The following ELFN1 variants were observed in gnomAD, a reference collection of about 807,000 sequenced individuals.
ELFN1 encodes protein ELFN1.
Under a neutral mutation model 7.6 loss-of-function variants are expected in ELFN1, and 6 were observed. The ratio of observed to expected loss-of-function variants is 0.79; its 90% CI spans 0.43 to 1.56. The LOEUF is 1.56. Among genes scored for constraint, ELFN1 ranks in the 40% most tolerant of loss-of-function variants. ELFN1 has a pLI of 0.01. For synonymous variants in ELFN1, 657 were observed against 588.1 expected (o/e 1.12, Z -1.70); for missense variants, 1,169 against 1,232.2 (o/e 0.95, Z 0.77).
Position 1,685,611 on chromosome 7 carries a change from G to T in ELFN1, c.-548-2447G>T, listed in dbSNP as rs113716058. Reference sequence around the variant, plus strand: ...CTCATGTAATGAATTTTTCATTTCCGCAGTCATACTTTTTAATTCTAAATT... The same window carrying T: ...CTCATGTAATGAATTTTTCATTTCCTCAGTCATACTTTTTAATTCTAAATT... On this transcript the variant is annotated intron_variant, in intron 1 of 3. Coordinates refer to ENST00000424383, the MANE Select transcript of ELFN1 (RefSeq NM_001128636.4). 4.9e-3 allele frequency among the ~76,000 whole-genome samples: 740 copies of T among 151,294 alleles called. 7 individuals carry two copies. Among genetic ancestry groups the T allele is most frequent in the Non-Finnish European group, 8.9e-3 (603 of 67,854 alleles).
chr7:1,682,227 G>A (rs1194261747), intron 1 of ELFN1, among the ~76,000 whole-genome samples: 7 of 152,112 alleles, frequency 4.6e-5, no homozygotes, highest in East Asian at 1.9e-4. Flanking sequence ...CTTCTAGGAC[G>A]TTTATAGCCT....
At chr7:1,681,945 CTTA>C (rs879697223) in intron 1 of ELFN1, among the ~76,000 whole-genome samples, 2 of 152,050 alleles carry the variant, frequency 1.3e-5, no homozygotes, top group Non-Finnish European at 2.9e-5. Context: ...ATGGATTTGT[CTTA>C]TTATTGAGTT....
At position 1,735,377 on chromosome 7, in the gene ELFN1, C is replaced by G. The variant is rs986680532; in HGVS notation, c.-293-8927C>G. On this transcript the variant is annotated intron_variant, in intron 3 of 3. Coordinates refer to ENST00000424383, the MANE Select transcript of ELFN1 (RefSeq NM_001128636.4). This position sits in a 1 kb window ranked among gnomAD's most constrained non-coding sequence, Gnocchi z 5.9. The stretch of plus-strand genomic sequence containing the variant: ...CCCCTTGACCTTCCCCAGCACTCAC[C>G]GAGTCCTCACACAGTGGGGACGTGG... Among the ~76,000 whole-genome samples the G allele has an allele frequency of 6.6e-6, 1 of 152,034 alleles. No individual in the cohort carries two copies. The highest frequency in any genetic ancestry group is 1.5e-5 in the Non-Finnish European group (1 of 67,988).
At chr7:1,719,472 G>A (rs961642825) in intron 3 of ELFN1, among the ~76,000 whole-genome samples, 1 of 152,206 alleles carries the variant, frequency 6.6e-6, no homozygotes, top group African/African-American at 2.4e-5. Context: ...TCCGCAGACA[G>A]GGCCCTCTGG....
intron 1 of ELFN1, among the ~76,000 whole-genome samples, chr7:1,678,335 A>G (rs1377835402): frequency 1.3e-5 from 2 of 151,810 alleles, no homozygotes; most frequent in African/African-American, 4.8e-5. Flanking sequence ...TGAGCCTCAC[A>G]CCCCATACCT....
rs146972846 is a variant in ELFN1 at position 1,701,023 on chromosome 7, C to T, written c.-455-8068C>T. 1.6e-3 allele frequency among the ~76,000 whole-genome samples: 238 copies of T among 152,136 alleles called. No homozygotes were observed. The Middle Eastern group carries it at 0.017, about 11-fold the overall frequency. On this transcript the variant is annotated intron_variant, in intron 2 of 3. Coordinates refer to ENST00000424383, the MANE Select transcript of ELFN1 (RefSeq NM_001128636.4). Reference sequence around the variant, plus strand: ...TCACATTCTCTCAGAAGGTAGCTGTCGTGTAGCTTGTGTTTTAATACTTTG... The same window carrying T: ...TCACATTCTCTCAGAAGGTAGCTGTTGTGTAGCTTGTGTTTTAATACTTTG...
At chr7:1,726,530 G>A (rs561818576) in intron 3 of ELFN1, among the ~76,000 whole-genome samples, 1 of 152,156 alleles carries the variant, frequency 6.6e-6, no homozygotes, top group African/African-American at 2.4e-5. Context: ...TGTGCTCCCC[G>A]GGGTCCCTGG....
rs143376319 is a variant in ELFN1, at chr7:1,747,302, C to CCACACACA, written c.*245_*252dup. On this transcript the variant is annotated 3_prime_UTR_variant, in exon 4 of 4. Transcript: ENST00000424383. ...GCTTGTCGCCCCGGGTGGCACGTGT[C>CCACACACA]CACACACACACACACACACACACAC... The CCACACACA allele has an allele frequency of 0.049, 13,061 of 268,758 alleles. 611 individuals are homozygous for CCACACACA. Among genetic ancestry groups the CCACACACA allele is most frequent in the African/African-American group, 0.11 (3,537 of 31,644 alleles). 16.6% of individuals were successfully genotyped at this position (268,758 alleles called of 1,614,324 possible). A position where few individuals can be genotyped will look rare whatever the true frequency, so the allele number is the denominator to read the frequency against.
chr7:1,671,500 G>A (rs1327642452), intron 1 of ELFN1, among the ~76,000 whole-genome samples: 6 of 152,230 alleles, frequency 3.9e-5, no homozygotes, highest in Admixed American at 3.9e-4. Context: ...GGAGAGCCTG[G>A]GGACAGAAGC....
intron 1 of ELFN1, among the ~76,000 whole-genome samples, chr7:1,676,193 C>A (rs947510135): frequency 5.9e-5 from 9 of 152,316 alleles, no homozygotes; most frequent in African/African-American, 1.9e-4. Context: ...AGAGGAACCC[C>A]CAGTCTGTTG....
chr7:1,732,313 A>G (rs537322885), intron 3 of ELFN1, among the ~76,000 whole-genome samples: 1 of 152,244 alleles, frequency 6.6e-6, no homozygotes, highest in East Asian at 1.9e-4. Context: ...CACAGCCTCA[A>G]ATGGCAAAAT....
chr7:1,713,761 G>A (rs949489060), intron 3 of ELFN1, among the ~76,000 whole-genome samples: 1 of 152,132 alleles, frequency 6.6e-6, no homozygotes, highest in Admixed American at 6.5e-5. Context: ...AGGGGGGGGC[G>A]ATGTCCTTGC....
chr7:1,668,676 C>T (rs1199078509), upstream of ELFN1, among the ~76,000 whole-genome samples: 1 of 152,226 alleles, frequency 6.6e-6, no homozygotes, highest in Non-Finnish European at 1.5e-5. Context: ...CCCCGCTCAC[C>T]GCCGGCCTCG....
chr7:1,672,408 T>C (rs1435653434), intron 1 of ELFN1, among the ~76,000 whole-genome samples: 1 of 150,990 alleles, frequency 6.6e-6, no homozygotes, highest in South Asian at 2.1e-4. Context: ...GTGTCCGGGG[T>C]CCCAGCAAGC....
intron 1 of ELFN1, among the ~76,000 whole-genome samples, chr7:1,678,538 A>G (rs1778916549): frequency 6.6e-6 from 1 of 152,180 alleles, no homozygotes; most frequent in Non-Finnish European, 1.5e-5. Context: ...AGAACCCAGC[A>G]TAGCCTGTCT....
At chr7:1,721,177 C>G (rs1583367838) in intron 3 of ELFN1, among the ~76,000 whole-genome samples, 1 of 152,250 alleles carries the variant, frequency 6.6e-6, no homozygotes, top group Admixed American at 6.5e-5. Flanking sequence ...GCAACTTGCA[C>G]TGGGGGAGGG....
chr7:1,688,710 C>T (rs1779103158), intron 2 of ELFN1, among the ~76,000 whole-genome samples: 2 of 152,088 alleles, frequency 1.3e-5, no homozygotes, highest in African/African-American at 4.8e-5. Context: ...TTATCCAGTT[C>T]CCCCCAGTGG....
rs758745947 is a variant in ELFN1, at chr7:1,744,453, C to T, written c.-144C>T. The T allele has an allele frequency of 1.3e-4, 123 of 958,966 alleles. 1 individual carries two copies. Among genetic ancestry groups the T allele is most frequent in the Non-Finnish European group, 1.7e-4 (117 of 685,148 alleles). The allele number at this position is 958,966 out of a possible 1,614,324, so 59.4% of individuals were successfully genotyped here. On this transcript the variant is annotated 5_prime_UTR_variant, in exon 4 of 4. Transcript: ENST00000424383. ...CCTCCCTCCCCGCGCTTACGTCGCG[C>T]GGCCATGCGGTTTGGGACAGGACAC...
intron 1 of ELFN1, among the ~76,000 whole-genome samples, chr7:1,683,091 A>T (rs546855475): frequency 1.3e-5 from 2 of 152,034 alleles, no homozygotes; most frequent in African/African-American, 2.4e-5. Context: ...ATGAGGTTTA[A>T]AGGTCTGTTA....
Sources: allele counts gnomAD v4.1 joint callset (sites outside exome capture counted in the v4.1 genomes callset), GRCh38; gene constraint gnomAD v4.1.1; non-coding constraint Gnocchi (gnomAD v3.1); transcripts MANE v1.5; gene names NCBI Gene and HGNC (gene_info 2026-07-23, HGNC 2026-07-21).